The following MME variants were observed in gnomAD, a reference collection of about 807,000 sequenced individuals.
MME encodes the protein neprilysin.
MME carries 98 observed loss-of-function variants against 113.2 expected under a neutral mutation model. The ratio of observed to expected loss-of-function variants is 0.87; its 90% CI spans 0.74 to 1.02. The LOEUF is 1.02. Among genes scored for constraint, MME ranks in the 50% least tolerant of loss-of-function variants. The pLI, the probability that MME is intolerant of heterozygous loss-of-function variation, is 0.00. For missense variants in MME, 836 were observed against 896.0 expected (o/e 0.93, Z 0.86); for synonymous variants, 292 against 300.6 (o/e 0.97, Z 0.30).
intron 8 of MME, among the ~76,000 whole-genome samples, chr3:155,134,720 T>C (rs78432662): frequency 6.6e-6 from 1 of 152,188 alleles, no homozygotes; most frequent in Non-Finnish European, 1.5e-5. Context: ...CCAAACTGCT[T>C]TCTGTAGAGG....
rs368924551 is a variant in MME at position 155,138,099 on chromosome 3, C to G, written c.721-3C>G. 1.9e-6 allele frequency: 3 copies of G among 1,613,294 alleles called. No homozygotes were observed. Among genetic ancestry groups the G allele is most frequent in the African/African-American group, 1.3e-5 (1 of 74,828 alleles). Reference sequence around the variant, plus strand: ...ACAGTTTAGTGCTATTTTTTTCTTGCAGGCTTGTACAGCATATGTGGATTT... The same window carrying G: ...ACAGTTTAGTGCTATTTTTTTCTTGGAGGCTTGTACAGCATATGTGGATTT... On this transcript the variant is annotated splice_region_variant and splice_polypyrimidine_tract_variant and intron_variant, in intron 8 of 22. Coordinates refer to ENST00000360490, the MANE Select transcript of MME (RefSeq NM_007289.4).
At chr3:155,059,443 C>T (rs1002535680) in intron 1 of MME, among the ~76,000 whole-genome samples, 7 of 152,004 alleles carry the variant, frequency 4.6e-5, no homozygotes, top group South Asian at 2.1e-4. Context: ...CAAATACTTA[C>T]GAGACTGAGC....
rs1255793367 is a variant in MME at position 155,183,176 on chromosome 3, G to C, written c.*2717G>C. On this transcript the variant is annotated 3_prime_UTR_variant, in exon 23 of 23. Transcript: ENST00000360490. Reference sequence around the variant, plus strand: ...TAGGTGCAAGATGGAAAGGATTGTAGGTGCAAGCTGTCCAGAGAAAAGAGT... The same window carrying C: ...TAGGTGCAAGATGGAAAGGATTGTACGTGCAAGCTGTCCAGAGAAAAGAGT... 1 of 152,282 alleles carries C rather than the reference G, an allele frequency of 6.6e-6. No individual in the cohort carries two copies. Among genetic ancestry groups the C allele is most frequent in the Non-Finnish European group, 1.5e-5 (1 of 68,110 alleles). 9.4% of individuals were successfully genotyped at this position (152,282 alleles called of 1,614,324 possible).
chr3:155,102,191 C>A (rs2108219092), intron 3 of MME, among the ~76,000 whole-genome samples: 1 of 152,234 alleles, frequency 6.6e-6, no homozygotes, highest in Non-Finnish European at 1.5e-5. Flanking sequence ...GATTCCGATA[C>A]AGTGCATATG....
intron 1 of MME, among the ~76,000 whole-genome samples, chr3:155,069,554 C>T (rs1248063868): frequency 6.6e-6 from 1 of 152,144 alleles, no homozygotes; most frequent in African/African-American, 2.4e-5. Context: ...TTCTTTGAGA[C>T]ACCTTCAAAT....
rs188246607 is a variant in MME, at chr3:155,151,148, C to G, written c.1601+2495C>G. On this transcript the variant is annotated intron_variant, in intron 16 of 22. Transcript: ENST00000360490. Reference sequence around the variant, plus strand: ...GTGGAGCACCAAGTTCAAGTCCTTGCTGTGTATGTTTAGACAGATAATTTC... The same window carrying G: ...GTGGAGCACCAAGTTCAAGTCCTTGGTGTGTATGTTTAGACAGATAATTTC... 1.0e-3 allele frequency among the ~76,000 whole-genome samples: 157 copies of G among 152,184 alleles called. 1 individual carries two copies. Among genetic ancestry groups the G allele is most frequent in the Non-Finnish European group, 1.9e-3 (127 of 67,996 alleles).
At chr3:155,089,905 A>G (rs1372685771) in intron 3 of MME, 1 of 447,660 alleles carries the variant, frequency 2.2e-6, no homozygotes, top group African/African-American at 2.0e-5. Context: ...GGTTGAAGCG[A>G]GCCAAGATTG....
intron 1 of MME, chr3:155,081,456 A>G (rs969949034): frequency 7.9e-5 from 12 of 152,182 alleles, no homozygotes; most frequent in African/African-American, 2.9e-4. Flanking sequence ...GGTTCTTGTT[A>G]TCTTAGACCT....
intron 1 of MME, among the ~76,000 whole-genome samples, chr3:155,033,512 C>G (rs1713039883): frequency 6.6e-6 from 1 of 151,986 alleles, no homozygotes; most frequent in Non-Finnish European, 1.5e-5. Context: ...AGTGAAAATG[C>G]CTATTGTTAT....
At chr3:155,075,555 C>T (rs1181039124), upstream of MME, among the ~76,000 whole-genome samples, 1 of 152,070 alleles carries the variant, frequency 6.6e-6, no homozygotes, top group Non-Finnish European at 1.5e-5. Context: ...TTCTGCAAAA[C>T]TTGACCTTAT....
At chr3:155,071,464 G>T (rs989667989) in intron 1 of MME, among the ~76,000 whole-genome samples, 2 of 152,132 alleles carry the variant, frequency 1.3e-5, no homozygotes, top group African/African-American at 4.8e-5. Flanking sequence ...TAATCATTTG[G>T]TAATTATAGG....
intron 16 of MME, chr3:155,158,730 G>C (rs1331531757): frequency 6.6e-6 from 1 of 151,854 alleles, no homozygotes; most frequent in Admixed American, 6.6e-5. Context: ...TTTCTTGTGA[G>C]TCAACACAAA....
At chr3:155,092,724 A>G (rs562438621) in intron 3 of MME, among the ~76,000 whole-genome samples, 1 of 150,828 alleles carries the variant, frequency 6.6e-6, no homozygotes, top group South Asian at 2.1e-4. Flanking sequence ...CATCAAAAAC[A>G]TTATGCTGAG....
At chr3:155,104,766 A>G (rs1197461529) in intron 3 of MME, among the ~76,000 whole-genome samples, 1 of 152,188 alleles carries the variant, frequency 6.6e-6, no homozygotes, top group African/African-American at 2.4e-5. Flanking sequence ...CCTTTTCATG[A>G]CCTTCTATAG....
At position 155,167,020 on chromosome 3, in the gene MME, T is replaced by C. The variant is rs1223168525; in HGVS notation, c.1779T>C (p.Asn593=). The C allele has an allele frequency of 6.2e-7, 1 of 1,613,576 alleles. No homozygotes were observed. The highest frequency in any genetic ancestry group is 1.1e-5 in the South Asian group (1 of 91,086). Residue 593 remains asparagine, a splice_region_variant and synonymous_variant, in exon 18 of 23, where the codon AAT becomes AAC. Coordinates refer to ENST00000360490, the MANE Select transcript of MME (RefSeq NM_007289.4). ...GHEITHGFDD[N]GRNFNKDGDL... is the part of the protein sequence containing the mutation. ...AAATCACCCATGGCTTCGATGACAATGGTAAAGTGCAGTTGACATTTTCCT... is the reference window on the plus strand; with the variant it reads ...AAATCACCCATGGCTTCGATGACAACGGTAAAGTGCAGTTGACATTTTCCT...
chr3:155,138,422 T>C (rs1720809909), intron 9 of MME, among the ~76,000 whole-genome samples, 186 bp downstream of exon 9: 1 of 152,132 alleles, frequency 6.6e-6, no homozygotes, highest in Admixed American at 6.6e-5. Context: ...GTAAACTGGG[T>C]TCCTGACATT....
chr3:155,110,221 T>C lies in MME; in HGVS notation c.197-4773T>C, dbSNP rs183233070. 2.6e-3 allele frequency among the ~76,000 whole-genome samples: 395 copies of C among 152,348 alleles called. 3 individuals are homozygous for C. Among genetic ancestry groups the C allele is most frequent in the African/African-American group, 9.0e-3 (374 of 41,580 alleles). On this transcript the variant is annotated intron_variant, in intron 3 of 22. Coordinates refer to ENST00000360490, the MANE Select transcript of MME (RefSeq NM_007289.4). ...TCTCACGTGCTCCCCACCAGCCTTC[T>C]GCATTCAAAGCAGGGAGGGAAGAGT... is the stretch of plus-strand genomic sequence containing the variant.
chr3:155,126,052 T>C (rs1307412447), intron 8 of MME, among the ~76,000 whole-genome samples: 1 of 152,160 alleles, frequency 6.6e-6, no homozygotes, highest in Non-Finnish European at 1.5e-5. Flanking sequence ...TCTTTTTGAA[T>C]GACTACACAA....
chr3:155,177,306 G>C (rs1030028107), intron 22 of MME, among the ~76,000 whole-genome samples: 2 of 152,194 alleles, frequency 1.3e-5, no homozygotes, highest in Admixed American at 6.5e-5. Context: ...TTGCTCCCTA[G>C]TGTGAGGAAT....
Sources: allele counts gnomAD v4.1 joint callset (sites outside exome capture counted in the v4.1 genomes callset), GRCh38; gene constraint gnomAD v4.1.1; transcripts MANE v1.5; gene names NCBI Gene and HGNC (gene_info 2026-07-23, HGNC 2026-07-21).